PCNX1: variants seen among roughly 807,000 people sequenced by gnomAD.
PCNX1 encodes the protein pecanex 1, also known as pecanex-like protein 1.
Under a neutral mutation model 242.2 loss-of-function variants are expected in PCNX1, and 78 were observed. That is an observed-to-expected ratio of 0.32 (90% CI 0.27 to 0.39). PCNX1 has a LOEUF of 0.39. Among genes scored for constraint, PCNX1 ranks in the 10% least tolerant of loss-of-function variants. PCNX1 has a pLI of 1.00. For missense variants in PCNX1, 2,581 were observed against 2,856.5 expected, an observed-to-expected ratio of 0.90 and a Z score of 2.20; for synonymous variants, 1,024 against 1,032.9, an observed-to-expected ratio of 0.99 and a Z score of 0.17.
rs1469449643 is a variant in PCNX1, at chr14:71,113,066, T to TTTAA, written c.*3134_*3137dup. On this transcript the variant is annotated 3_prime_UTR_variant, in exon 36 of 36. Transcript: ENST00000304743. ...TAATGTTGACTTTTTGCTAAAGAAC[T>TTTAA]TTAATTTTTCCAAGAATCTAGATTA... The TTTAA allele has an allele frequency of 6.6e-6, 1 of 152,188 alleles. No homozygotes were observed. Among genetic ancestry groups the TTTAA allele is most frequent in the East Asian group, 1.9e-4 (1 of 5,196 alleles). 9.4% of individuals were successfully genotyped at this position (152,188 alleles called of 1,614,324 possible).
rs369366747 is a variant in PCNX1 at position 70,934,996 on chromosome 14, C to G, written c.154-11919C>G. Among the ~76,000 whole-genome samples the G allele has an allele frequency of 8.0e-4, 60 of 74,932 alleles. 1 individual carries two copies. Among genetic ancestry groups the G allele is most frequent in the African/African-American group, 2.8e-3 (59 of 21,140 alleles). The allele number at this position is 74,932 out of a possible 152,430, so 49.2% of individuals were successfully genotyped here. On this transcript the variant is annotated intron_variant, in intron 1 of 35. Transcript: ENST00000304743. ...GTTTAAACTAAGTCACCAGACAGACCGGTGTGTATGCACTTTTACCCCCTT... is the reference window on the plus strand; with the variant it reads ...GTTTAAACTAAGTCACCAGACAGACGGGTGTGTATGCACTTTTACCCCCTT...
Position 70,977,979 on chromosome 14 carries a change from A to G in PCNX1, c.1642A>G (p.Ser548Gly). 1.9e-6 allele frequency: 3 copies of G among 1,614,178 alleles called. No individual in the cohort carries two copies. The highest frequency in any genetic ancestry group is 1.1e-5 in the South Asian group (1 of 91,072). Reference sequence around the variant, plus strand: ...AGGGGATGTTCGACCTAAATCTTCTAGCGTAATCCATCGGACAGCTTCTGC... The same window carrying G: ...AGGGGATGTTCGACCTAAATCTTCTGGCGTAATCCATCGGACAGCTTCTGC... Reference protein sequence around the residue: ...KEGDVRPKSSSVIHRTASAHK... With the variant: ...KEGDVRPKSSGVIHRTASAHK... The change falls in exon 6 of 36, where the codon AGC becomes GGC. Residue 548 changes from serine to glycine, a missense_variant. Transcript: ENST00000304743.
At position 71,102,900 on chromosome 14, in the gene PCNX1, A is replaced by T. The variant is rs963111232; in HGVS notation, c.5821-495A>T. ...ATAGCATACCATGTACTTAATAAAG[A>T]TCAGAAGTTAAATAGTTCATTCTAA... On this transcript the variant is annotated intron_variant, in intron 31 of 35. Transcript: ENST00000304743. Among the ~76,000 whole-genome samples, 42 of 152,310 alleles carry T rather than the reference A, an allele frequency of 2.8e-4. 1 individual carries two copies. Among genetic ancestry groups the T allele is most frequent in the Middle Eastern group, 3.4e-3 (1 of 294 alleles).
intron 1 of PCNX1, among the ~76,000 whole-genome samples, chr14:70,946,637 A>G (rs1461763184): frequency 6.6e-6 from 1 of 152,258 alleles, no homozygotes; most frequent in Non-Finnish European, 1.5e-5. Flanking sequence ...ATTAAAATTG[A>G]GATATTTTAC....
intron 1 of PCNX1, among the ~76,000 whole-genome samples, chr14:70,927,002 G>T (rs889363431): frequency 2.6e-5 from 4 of 152,130 alleles, no homozygotes; most frequent in African/African-American, 9.7e-5. Flanking sequence ...ACTTTCTGCC[G>T]CTTACCAGCT....
intron 1 of PCNX1, among the ~76,000 whole-genome samples, chr14:70,923,725 G>C (rs2056468276): frequency 6.6e-6 from 1 of 152,058 alleles, no homozygotes; most frequent in African/African-American, 2.4e-5. Flanking sequence ...TTCTTGAGTT[G>C]TTTTAATAGT....
intron 15 of PCNX1, among the ~76,000 whole-genome samples, chr14:71,028,111 CCATTGGAGTATTAGTAATTATCTATTT>C (rs1462728200): frequency 6.6e-6 from 1 of 151,688 alleles, no homozygotes; most frequent in Non-Finnish European, 1.5e-5. Context: ...CTAATAACTC[CCATTGGAGTATTAGTAATTATCTATTT>C]CATTGTTGTT....
At chr14:70,987,407 T>C (rs1162073374) in intron 6 of PCNX1, among the ~76,000 whole-genome samples, 1 of 152,242 alleles carries the variant, frequency 6.6e-6, no homozygotes, top group Non-Finnish European at 1.5e-5. Context: ...ATATGGCTAA[T>C]GGCTACTGCA....
At chr14:70,966,212 A>G (rs533067888) in intron 3 of PCNX1, among the ~76,000 whole-genome samples, 4 of 152,330 alleles carry the variant, frequency 2.6e-5, no homozygotes, top group African/African-American at 9.6e-5. Context: ...GAAGAATAAA[A>G]TATAACCACT....
intron 28 of PCNX1, among the ~76,000 whole-genome samples, chr14:71,079,478 C>G (rs1595455627): frequency 6.6e-6 from 1 of 152,190 alleles, no homozygotes; most frequent in East Asian, 1.9e-4. Flanking sequence ...AAAAGCATTC[C>G]TATTTCTTCA....
intron 30 of PCNX1, among the ~76,000 whole-genome samples, chr14:71,099,131 G>A (rs2062389754): frequency 6.6e-6 from 1 of 150,886 alleles, no homozygotes; most frequent in African/African-American, 2.4e-5. Flanking sequence ...TTCCACTGTG[G>A]TCCAAGAGTA....
Position 71,096,649 on chromosome 14 carries a change from C to T in PCNX1, c.5590-5341C>T, listed in dbSNP as rs368387030. On this transcript the variant is annotated intron_variant, in intron 30 of 35. Transcript: ENST00000304743. ...CTCTGCTTGTATAGGAAAATGTGAA[C>T]GCAGTATTTAAAAGAAAAATTAGGA... 3.8e-3 allele frequency among the ~76,000 whole-genome samples: 572 copies of T among 152,034 alleles called. 1 individual carries two copies. Among genetic ancestry groups the T allele is most frequent in the African/African-American group, 0.013 (536 of 41,456 alleles).
chr14:70,951,583 C>T (rs931047372), intron 2 of PCNX1, among the ~76,000 whole-genome samples: 16 of 152,116 alleles, frequency 1.1e-4, no homozygotes, highest in African/African-American at 3.6e-4. Context: ...TCATGTTGGC[C>T]AGGCTGGTGC....
intron 1 of PCNX1, among the ~76,000 whole-genome samples, chr14:70,911,565 A>G (rs2055910160): frequency 6.6e-6 from 1 of 151,928 alleles, no homozygotes; most frequent in African/African-American, 2.4e-5. Context: ...AGATGATGAG[A>G]TTTTTGGGGG....
In PCNX1 at chr14:70,907,843, G is replaced by C. The variant is rs932362166; in HGVS notation, c.-8G>C. ...CGGCGGCGGCGACGGCGGCGGCGCC[G>C]GGTGGGGATGGGGTCGCAGACGCTG... On this transcript the variant is annotated 5_prime_UTR_variant, in exon 1 of 36. Transcript: ENST00000304743. 4 of 1,303,184 alleles carry C rather than the reference G, an allele frequency of 3.1e-6. No homozygotes were observed. In the East Asian group the frequency reaches 1.2e-4, roughly 40 times the overall value. 80.7% of individuals were successfully genotyped at this position (1,303,184 alleles called of 1,614,324 possible). A position where few individuals can be genotyped will look rare whatever the true frequency, so the allele number is the denominator to read the frequency against.
chr14:71,087,628 T>G (rs780533105), intron 28 of PCNX1, among the ~76,000 whole-genome samples: 1 of 152,198 alleles, frequency 6.6e-6, no homozygotes, highest in Non-Finnish European at 1.5e-5. Flanking sequence ...CTAACAAGTT[T>G]CCAGGTGATG....
chr14:71,029,259 A>G (rs2060318654), intron 16 of PCNX1, among the ~76,000 whole-genome samples: 1 of 152,172 alleles, frequency 6.6e-6, no homozygotes, highest in South Asian at 2.1e-4. Flanking sequence ...AGCCTTATGA[A>G]CTTTCCTTTA....
chr14:70,907,821 C>T lies in PCNX1; in HGVS notation c.-30C>T, dbSNP rs1199668858. 4.0e-6 allele frequency: 5 copies of T among 1,243,944 alleles called. No individual in the cohort carries two copies. The highest frequency in any genetic ancestry group is 3.6e-5 in the South Asian group (1 of 28,030). 77.1% of individuals were successfully genotyped at this position (1,243,944 alleles called of 1,614,324 possible). A position where few individuals can be genotyped will look rare whatever the true frequency, so the allele number is the denominator to read the frequency against. ...GCCGGGGCGGGGACGGCGGCGGCGG[C>T]GGCGGCGACGGCGGCGGCGCCGGGT... is the stretch of plus-strand genomic sequence containing the variant. On this transcript the variant is annotated 5_prime_UTR_variant, in exon 1 of 36. Transcript: ENST00000304743.
chr14:70,949,104 GTA>G (rs2057617700), intron 2 of PCNX1, among the ~76,000 whole-genome samples: 1 of 138,122 alleles, frequency 7.2e-6, no homozygotes, highest in African/African-American at 2.7e-5. Context: ...ATACATACAT[GTA>G]TATACGTATA....
Sources: gnomAD v4.1 joint callset for allele counts (sites outside exome capture counted in the v4.1 genomes callset) on GRCh38, gnomAD v4.1.1 for gene constraint, MANE v1.5 for transcripts, NCBI Gene and HGNC (gene_info 2026-07-23, HGNC 2026-07-21) for gene names.